ITPR2: variants seen among roughly 807,000 people sequenced by gnomAD.
The protein encoded by ITPR2 is inositol 1,4,5-trisphosphate receptor type 2.
ITPR2 carries 207 observed loss-of-function variants against 317.1 expected under a neutral mutation model. That is an observed-to-expected ratio of 0.65 (90% CI 0.58 to 0.73). The LOEUF (loss-of-function observed/expected upper bound fraction) is 0.73. Ranked by LOEUF, ITPR2 falls within the 30% of genes least tolerant of loss-of-function variation. ITPR2 has a pLI of 0.00. For missense variants in ITPR2, 2,613 were observed against 3,284.0 expected (o/e 0.80, Z 4.99); for synonymous variants, 1,156 against 1,149.1 (o/e 1.01, Z -0.12).
intron 29 of ITPR2, 142 bp downstream of exon 29, chr12:26,599,845 G>A: frequency 7.1e-6 from 4 of 562,858 alleles, no homozygotes; most frequent in African/African-American, 1.9e-5. Flanking sequence ...AAAAAAAAAA[G>A]ATATTCACTT....
intron 1 of ITPR2, among the ~76,000 whole-genome samples, chr12:26,795,458 T>C (rs1405009088): frequency 6.6e-6 from 1 of 151,980 alleles, no homozygotes; most frequent in African/African-American, 2.4e-5. Context: ...CTAAGGACAA[T>C]ATAGACAATA....
Position 26,546,059 on chromosome 12 carries a change from A to C in ITPR2, c.5073+4188T>G, listed in dbSNP as rs536603384. On this transcript the variant is annotated intron_variant, in intron 37 of 56. Coordinates refer to ENST00000381340, the MANE Select transcript of ITPR2 (RefSeq NM_002223.4). Reference sequence around the variant, plus strand: ...TATAATTTTTTATTCTGTCCTTAGTAAACATGAAAATTAAGAAACAATAAA... The same window carrying C: ...TATAATTTTTTATTCTGTCCTTAGTCAACATGAAAATTAAGAAACAATAAA... Among the ~76,000 whole-genome samples the C allele has an allele frequency of 2.6e-4, 40 of 152,362 alleles. 1 individual carries two copies. The highest frequency in any genetic ancestry group is 7.8e-4 in the Admixed American group (12 of 15,310).
At chr12:26,516,310 A>AAG (rs1943511050) in intron 37 of ITPR2, among the ~76,000 whole-genome samples, 2 of 125,116 alleles carry the variant, frequency 1.6e-5, no homozygotes, top group African/African-American at 5.8e-5. Flanking sequence ...AGGAAAGGAA[A>AAG]GGAAAGGAAA....
intron 39 of ITPR2, among the ~76,000 whole-genome samples, chr12:26,490,307 A>C (rs1213438366): frequency 6.6e-6 from 1 of 152,264 alleles, no homozygotes; most frequent in Non-Finnish European, 1.5e-5. Flanking sequence ...AATGGACACC[A>C]AATGTCCCAG....
Position 26,659,157 on chromosome 12 carries a change from T to C in ITPR2, c.1842A>G (p.Glu614=). The C allele has an allele frequency of 6.2e-7, 1 of 1,613,686 alleles. No homozygotes were observed. The highest frequency in any genetic ancestry group is 8.5e-7 in the Non-Finnish European group (1 of 1,179,784). The change falls in exon 16 of 57, where the codon GAA becomes GAG. Residue 614 remains glutamate (E), a synonymous_variant. Coordinates refer to ENST00000381340, the MANE Select transcript of ITPR2 (RefSeq NM_002223.4). ...KLLEKHITAK[E]IETFVSLLRR... is the part of the protein sequence containing the mutation. ...TGAGTAAACTGACAAATGTTTCTAT[T>C]TCTTTTGCTGTGATATGTTTCTCTA...
At chr12:26,432,669 T>C (rs1053676691) in intron 48 of ITPR2, among the ~76,000 whole-genome samples, 1 of 151,346 alleles carries the variant, frequency 6.6e-6, no homozygotes, top group African/African-American at 2.5e-5. Context: ...ATTTTATTAA[T>C]TGGAATACAA....
intron 10 of ITPR2, among the ~76,000 whole-genome samples, chr12:26,692,771 T>C (rs190526228): frequency 1.4e-4 from 21 of 152,280 alleles, no homozygotes; most frequent in African/African-American, 4.8e-4. Flanking sequence ...GGCAACATTT[T>C]GATAAATGTT....
At chr12:26,399,095 G>C in intron 53 of ITPR2, 54 bp from the exon 54 acceptor site, 4 of 1,238,716 alleles carry the variant, frequency 3.2e-6, no homozygotes, top group Non-Finnish European at 3.3e-6. Flanking sequence ...TGAGCACACT[G>C]TCTAGCATAG....
intron 39 of ITPR2, among the ~76,000 whole-genome samples, chr12:26,490,379 C>G (rs898978721): frequency 6.6e-6 from 1 of 152,216 alleles, no homozygotes; most frequent in Non-Finnish European, 1.5e-5. Flanking sequence ...TTCACAGAAC[C>G]ATTCACTTCT....
Position 26,832,845 on chromosome 12 carries a change from G to A in ITPR2, c.-64C>T. The A allele has an allele frequency of 2.3e-6, 3 of 1,294,712 alleles. No homozygotes were observed. The highest frequency in any genetic ancestry group is 2.5e-5 in the East Asian group (1 of 39,440). 80.2% of individuals were successfully genotyped at this position (1,294,712 alleles called of 1,614,324 possible). ...CTGCGCCCTCGCCGCCCTCTCTCCA[G>A]GGAGCCGCCGCGGCAGAAGCGGATC... On this transcript the variant is annotated 5_prime_UTR_variant, in exon 1 of 57. Coordinates refer to ENST00000381340, the MANE Select transcript of ITPR2 (RefSeq NM_002223.4).
At chr12:26,528,123 G>C (rs77636401) in intron 37 of ITPR2, among the ~76,000 whole-genome samples, 1 of 152,036 alleles carries the variant, frequency 6.6e-6, no homozygotes, top group African/African-American at 2.4e-5. Context: ...AGGTTGGGGG[G>C]AAATATTAGC....
intron 9 of ITPR2, among the ~76,000 whole-genome samples, chr12:26,700,893 G>A (rs559325916): frequency 2.0e-5 from 3 of 152,150 alleles, no homozygotes; most frequent in Non-Finnish European, 4.4e-5. Flanking sequence ...AGAGAAAACC[G>A]TTTATCATGA....
At chr12:26,711,369 G>T in intron 8 of ITPR2, 101 bp from the exon 9 acceptor site, 1 of 783,752 alleles carries the variant, frequency 1.3e-6, no homozygotes, top group Non-Finnish European at 2.2e-6. Context: ...ATACTGATCT[G>T]TCAAACCTAA....
intron 9 of ITPR2, among the ~76,000 whole-genome samples, chr12:26,708,103 T>C (rs1175709705): frequency 6.6e-6 from 1 of 152,086 alleles, no homozygotes; most frequent in Non-Finnish European, 1.5e-5. Flanking sequence ...CAATAACAAA[T>C]GCTGATGAAG....
At chr12:26,427,520 G>C (rs1231936575) in intron 49 of ITPR2, among the ~76,000 whole-genome samples, 2 of 151,966 alleles carry the variant, frequency 1.3e-5, no homozygotes, top group Admixed American at 1.3e-4. Flanking sequence ...TTGATGAAAG[G>C]TGCCCACTTT....
chr12:26,481,266 TATC>T (rs1186057181), intron 42 of ITPR2, 25 bp from the exon 43 acceptor site: 3 of 1,322,914 alleles, frequency 2.3e-6, no homozygotes, highest in Admixed American at 1.7e-5. Flanking sequence ...ATTTGTAAAA[TATC>T]ATTTTATTCA....
intron 32 of ITPR2, among the ~76,000 whole-genome samples, chr12:26,592,236 G>C (rs1945727549): frequency 6.6e-6 from 1 of 152,210 alleles, no homozygotes; most frequent in Non-Finnish European, 1.5e-5. Flanking sequence ...AGAATAAAAG[G>C]ATGGTTACTA....
chr12:26,559,826 GATTATTCATCTTC>G (rs1944764849), intron 35 of ITPR2, among the ~76,000 whole-genome samples: 1 of 152,058 alleles, frequency 6.6e-6, no homozygotes, highest in Admixed American at 6.6e-5. Context: ...TCTTGGAATA[GATTATTCATCTTC>G]ATTATTCATA....
Position 26,819,101 on chromosome 12 carries a change from C to G in ITPR2, c.92+13589G>C, listed in dbSNP as rs181144848. On this transcript the variant is annotated intron_variant, in intron 1 of 56. Coordinates refer to ENST00000381340, the MANE Select transcript of ITPR2 (RefSeq NM_002223.4). ...CAAAGAGCATTATAGGATGTTAGAA[C>G]CAGAAGAAATCAAAATATGTGTTTT... Among the ~76,000 whole-genome samples, 21 of 152,194 alleles carry G rather than the reference C, an allele frequency of 1.4e-4. No homozygotes were observed. In the East Asian group the frequency reaches 1.5e-3, roughly 11 times the overall value.
Sources: allele counts gnomAD v4.1 joint callset (sites outside exome capture counted in the v4.1 genomes callset), GRCh38; gene constraint gnomAD v4.1.1; transcripts MANE v1.5; gene names NCBI Gene and HGNC (gene_info 2026-07-23, HGNC 2026-07-21).